The following FAR2 variants were observed in gnomAD, a reference collection of about 807,000 sequenced individuals.
FAR2 encodes the protein epididymis secretory protein Li 81.
A neutral mutation model predicts 56.0 loss-of-function variants in FAR2; 19 were observed. The observed-to-expected ratio is 0.34, with a 90% CI of 0.24 to 0.50. The LOEUF is 0.50. Among genes scored for constraint, FAR2 ranks in the 20% least tolerant of loss-of-function variants. The pLI is 0.98. For missense variants in FAR2, 508 were observed against 642.2 expected (o/e 0.79, Z 2.26); for synonymous variants, 219 against 218.8 (o/e 1.00, Z -0.01).
At chr12:29,231,324 G>A (rs1228699196) in intron 1 of FAR2, among the ~76,000 whole-genome samples, 3 of 152,178 alleles carry the variant, frequency 2.0e-5, no homozygotes, top group Non-Finnish European at 4.4e-5. Context: ...GGGTCAATAT[G>A]GAGGTGAAAG....
intron 1 of FAR2, among the ~76,000 whole-genome samples, chr12:29,250,151 CA>C (rs5797316): frequency 0.39 from 59,024 of 151,858 alleles, 11,717 homozygotes; most frequent in African/African-American, 0.47. Flanking sequence ...TAATATGAAA[CA>C]AAAATACAGT....
intron 1 of FAR2, among the ~76,000 whole-genome samples, chr12:29,213,536 A>C (rs1947580982): frequency 6.6e-6 from 1 of 152,076 alleles, no homozygotes; most frequent in Non-Finnish European, 1.5e-5. Flanking sequence ...CTAAAAATAC[A>C]AAAATTAACC....
At chr12:29,187,207 T>A (rs1184664661) in intron 1 of FAR2, among the ~76,000 whole-genome samples, 1 of 152,212 alleles carries the variant, frequency 6.6e-6, no homozygotes, top group East Asian at 1.9e-4. Flanking sequence ...TAACCCTTTT[T>A]TTTACAATAT....
At chr12:29,250,297 A>G (rs1160259822) in intron 1 of FAR2, among the ~76,000 whole-genome samples, 3 of 152,200 alleles carry the variant, frequency 2.0e-5, no homozygotes, top group African/African-American at 7.2e-5. Flanking sequence ...TGGTCAGACC[A>G]GTTGGATCCA....
intron 1 of FAR2, among the ~76,000 whole-genome samples, chr12:29,259,025 G>T (rs915913615): frequency 5.3e-5 from 8 of 152,342 alleles, no homozygotes; most frequent in African/African-American, 1.9e-4. Flanking sequence ...ATAAAGTAGA[G>T]ATTGGTAGGA....
chr12:29,258,136 G>A (rs1291205327), intron 1 of FAR2, among the ~76,000 whole-genome samples: 1 of 151,328 alleles, frequency 6.6e-6, no homozygotes, highest in Non-Finnish European at 1.5e-5. Context: ...CTGAGGTCAG[G>A]AATTCGAGAC....
intron 1 of FAR2, among the ~76,000 whole-genome samples, chr12:29,183,316 C>G (rs893135561): frequency 6.6e-6 from 1 of 152,162 alleles, no homozygotes; most frequent in African/African-American, 2.4e-5. Context: ...CAGTTTCATT[C>G]ATTCCTCCCC....
At chr12:29,222,253 C>T (rs1947704579) in intron 1 of FAR2, among the ~76,000 whole-genome samples, 2 of 152,122 alleles carry the variant, frequency 1.3e-5, no homozygotes, top group South Asian at 4.1e-4. Context: ...TGAACTTGTC[C>T]CCATTGCCTT....
At chr12:29,276,391 A>C (rs556431205) in intron 2 of FAR2, among the ~76,000 whole-genome samples, 1 of 152,232 alleles carries the variant, frequency 6.6e-6, no homozygotes, top group Admixed American at 6.5e-5. Context: ...CATCTACGGT[A>C]GATCACAAAC....
chr12:29,237,973 T>C (rs1296413588), intron 1 of FAR2, among the ~76,000 whole-genome samples: 1 of 152,202 alleles, frequency 6.6e-6, no homozygotes, highest in Non-Finnish European at 1.5e-5. Flanking sequence ...CAATGCACGA[T>C]GTTAAAACAT....
chr12:29,197,245 A>G (rs1490288310), intron 1 of FAR2, among the ~76,000 whole-genome samples: 1 of 152,174 alleles, frequency 6.6e-6, no homozygotes, highest in African/African-American at 2.4e-5. Flanking sequence ...CTCATTATTG[A>G]CTGGCTATGT....
At chr12:29,221,242 A>G (rs1345097541) in intron 1 of FAR2, among the ~76,000 whole-genome samples, 1 of 152,032 alleles carries the variant, frequency 6.6e-6, no homozygotes, top group Non-Finnish European at 1.5e-5. Context: ...AGGTTTTTCT[A>G]CTTATTGGGA....
rs577182296 is a variant in FAR2, at chr12:29,216,421, G to T, written c.-38-53991G>T. Reference sequence around the variant, plus strand: ...ACACACAGTTCATGGAGTTGATGGGGATTGGGGATCTTGGGTTCATTGACT... The same window carrying T: ...ACACACAGTTCATGGAGTTGATGGGTATTGGGGATCTTGGGTTCATTGACT... On this transcript the variant is annotated intron_variant, in intron 1 of 11. Transcript: ENST00000536681. Among the ~76,000 whole-genome samples, 66 of 152,294 alleles carry T rather than the reference G, an allele frequency of 4.3e-4. 3 individuals are homozygous for T. The highest frequency in any genetic ancestry group is 1.3e-3 in the African/African-American group (52 of 41,576).
chr12:29,197,796 T>C (rs1008698854), intron 1 of FAR2, among the ~76,000 whole-genome samples: 1 of 152,146 alleles, frequency 6.6e-6, no homozygotes, highest in Admixed American at 6.5e-5. Flanking sequence ...ATTTAAGAAA[T>C]GAAGTATTGT....
chr12:29,317,378 A>G (rs1949468060), intron 9 of FAR2, among the ~76,000 whole-genome samples: 1 of 152,198 alleles, frequency 6.6e-6, no homozygotes, highest in Non-Finnish European at 1.5e-5. Context: ...TTGTGTTTAG[A>G]CATGGGTCCC....
At chr12:29,230,529 A>G (rs2136650661) in intron 1 of FAR2, among the ~76,000 whole-genome samples, 1 of 152,190 alleles carries the variant, frequency 6.6e-6, no homozygotes, top group African/African-American at 2.4e-5. Context: ...AGTTTTAGCA[A>G]AGAAGTGGAT....
chr12:29,299,949 T>C (rs527243645), intron 4 of FAR2, among the ~76,000 whole-genome samples: 16 of 152,332 alleles, frequency 1.1e-4, no homozygotes, highest in African/African-American at 3.8e-4. Flanking sequence ...TTATTGCTTG[T>C]AACACAGGTC....
At chr12:29,169,703 A>T (rs1238119815) in intron 1 of FAR2, among the ~76,000 whole-genome samples, 2 of 152,206 alleles carry the variant, frequency 1.3e-5, no homozygotes, top group African/African-American at 4.8e-5. Context: ...TTGGAGAGTC[A>T]CTGCTGCCAA....
chr12:29,325,391 C>T (rs1949628098), intron 10 of FAR2, among the ~76,000 whole-genome samples: 1 of 152,134 alleles, frequency 6.6e-6, no homozygotes, highest in African/African-American at 2.4e-5. Context: ...AGCTCTGCAC[C>T]AAGCAGACCT....
Sources: allele counts gnomAD v4.1 joint callset (sites outside exome capture counted in the v4.1 genomes callset), GRCh38; gene constraint gnomAD v4.1.1; transcripts MANE v1.5; gene names NCBI Gene and HGNC (gene_info 2026-07-23, HGNC 2026-07-21).